The following PATL1 variants were observed in gnomAD, a reference collection of about 807,000 sequenced individuals.
The protein encoded by PATL1 is PAT1 homolog 1, processing body mRNA decay factor.
Under a neutral mutation model 100.6 loss-of-function variants are expected in PATL1, and 32 were observed. The observed-to-expected ratio is 0.32, with a 90% CI of 0.24 to 0.43. PATL1 has a LOEUF of 0.43. PATL1 is among the 20% of genes least tolerant of loss of function. The probability of loss-of-function intolerance (pLI) is 1.00; values close to 1 mark genes in which losing one functional copy is unlikely to be tolerated. For missense variants in PATL1, 747 were observed against 949.9 expected (o/e 0.79, Z 2.81); for synonymous variants, 332 against 330.0 (o/e 1.01, Z -0.07).
intron 4 of PATL1, among the ~76,000 whole-genome samples, chr11:59,658,261 T>C (rs1307213340): frequency 6.6e-6 from 1 of 151,994 alleles, no homozygotes; most frequent in Non-Finnish European, 1.5e-5. Flanking sequence ...CCTCCTGCCA[T>C]GTCCAACCAC....
intron 6 of PATL1, among the ~76,000 whole-genome samples, chr11:59,656,272 C>G (rs533185327): frequency 1.3e-5 from 2 of 152,114 alleles, no homozygotes; most frequent in South Asian, 2.1e-4. Flanking sequence ...TGGTAGGAAC[C>G]AGATGATCAC....
At chr11:59,667,676 A>G (rs532491375) in intron 1 of PATL1, among the ~76,000 whole-genome samples, 1 of 152,368 alleles carries the variant, frequency 6.6e-6, no homozygotes, top group Non-Finnish European at 1.5e-5. Flanking sequence ...AATGTCTTAC[A>G]TTGTAATGCA....
intron 2 of PATL1, among the ~76,000 whole-genome samples, chr11:59,663,719 A>G (rs193292793): frequency 2.0e-5 from 3 of 152,264 alleles, no homozygotes; most frequent in Admixed American, 6.5e-5. Flanking sequence ...ACATTTTTTC[A>G]TGCAGAAGAC....
chr11:59,643,100 G>T (rs998661700), intron 15 of PATL1, 65 bp from the exon 16 acceptor site: 2 of 1,527,776 alleles, frequency 1.3e-6, no homozygotes, highest in Admixed American at 1.9e-5. Context: ...CCCACCAGGG[G>T]CATGGATGGA....
intron 5 of PATL1, 30 bp downstream of exon 5, chr11:59,657,500 C>T (rs997950976): frequency 1.3e-6 from 2 of 1,528,236 alleles, no homozygotes; most frequent in Admixed American, 1.8e-5. Flanking sequence ...TCCCAATATC[C>T]TGGGCTGTGT....
At chr11:59,649,719 A>C in intron 13 of PATL1, 109 bp from the exon 14 acceptor site, 1 of 1,188,120 alleles carries the variant, frequency 8.4e-7, no homozygotes, top group African/African-American at 1.7e-5. Flanking sequence ...TCATTATAGA[A>C]AGACTGAGAT....
Position 59,636,802 on chromosome 11 carries a change from C to G in PATL1, c.*1588G>C, listed in dbSNP as rs1861198401. On this transcript the variant is annotated 3_prime_UTR_variant, in exon 19 of 19. Coordinates refer to ENST00000300146, the MANE Select transcript of PATL1 (RefSeq NM_152716.3). ...TTTATTTTCATTAATTAGAACCAAT[C>G]CAAACAAAAAAGATAAAGCACAGTA... The G allele has an allele frequency of 6.6e-6, 1 of 152,278 alleles. No individual in the cohort carries two copies. Among genetic ancestry groups the G allele is most frequent in the Non-Finnish European group, 1.5e-5 (1 of 67,978 alleles). 9.4% of individuals were successfully genotyped at this position (152,278 alleles called of 1,614,324 possible). A position where few individuals can be genotyped will look rare whatever the true frequency, so the allele number is the denominator to read the frequency against.
Position 59,652,466 on chromosome 11 carries a change from G to A in PATL1, c.1424C>T (p.Pro475Leu), listed in dbSNP as rs1385876198. The A allele has an allele frequency of 6.2e-7, 1 of 1,611,228 alleles. No homozygotes were observed. Among genetic ancestry groups the A allele is most frequent in the South Asian group, 1.1e-5 (1 of 90,466 alleles). Residue 475 changes from proline (P) to leucine (L), a missense_variant and splice_region_variant, in exon 11 of 19, where the codon CCA becomes CTA. This residue lies in a region of PATL1 where 434 missense variants were observed against 596.1 expected (regional missense o/e 0.73). Transcript: ENST00000300146. ...CATTTTTCTTATGAGGACCTTACCT[G>A]GCTTATAGGCGTGCTCCAGTTTGGC... ...QVAKLEHAYK[P>L]VQFEGSLGKL...
At chr11:59,644,592 G>C (rs1346957795) in intron 15 of PATL1, among the ~76,000 whole-genome samples, 3 of 152,072 alleles carry the variant, frequency 2.0e-5, no homozygotes, top group African/African-American at 7.2e-5. Context: ...TCTATAGTTT[G>C]AATTTGGCAA....
chr11:59,668,921 G>T lies in PATL1; in HGVS notation c.-26C>A. On this transcript the variant is annotated 5_prime_UTR_variant, in exon 1 of 19. Transcript: ENST00000300146. Reference sequence around the variant, plus strand: ...TCTTGGGGAGGGGGGCAGGGAGCGGGGAGGGGAGAGGGGGAGGGAGGGAAG... The same window carrying T: ...TCTTGGGGAGGGGGGCAGGGAGCGGTGAGGGGAGAGGGGGAGGGAGGGAAG... 1.9e-6 allele frequency: 1 copy of T among 532,258 alleles called. No individual in the cohort carries two copies. The highest frequency in any genetic ancestry group is 3.1e-6 in the Non-Finnish European group (1 of 320,784). The allele number at this position is 532,258 out of a possible 1,614,324, so 33.0% of individuals were successfully genotyped here.
At chr11:59,643,345 A>G (rs1484506732) in intron 15 of PATL1, among the ~76,000 whole-genome samples, 3 of 152,114 alleles carry the variant, frequency 2.0e-5, no homozygotes, top group Non-Finnish European at 4.4e-5. Context: ...AAATGCTTAC[A>G]CTACACCATG....
intron 15 of PATL1, among the ~76,000 whole-genome samples, chr11:59,643,291 GT>G (rs1861313482): frequency 2.0e-5 from 3 of 152,042 alleles, no homozygotes; most frequent in Admixed American, 2.0e-4. Context: ...CATACCAAGA[GT>G]TATGCTAAAA....
chr11:59,665,254 G>A (rs1488682283), intron 2 of PATL1, among the ~76,000 whole-genome samples: 2 of 152,154 alleles, frequency 1.3e-5, no homozygotes, highest in Non-Finnish European at 2.9e-5. Context: ...CAAAACCAGT[G>A]ACCATTATAA....
intron 1 of PATL1, among the ~76,000 whole-genome samples, chr11:59,668,248 G>C (rs1050199631): frequency 6.6e-6 from 1 of 152,212 alleles, no homozygotes; most frequent in Non-Finnish European, 1.5e-5. Flanking sequence ...TGGTGACAGG[G>C]TCAGTACTGT....
chr11:59,656,410 G>T, intron 6 of PATL1, 89 bp downstream of exon 6: 1 of 1,100,186 alleles, frequency 9.1e-7, no homozygotes, highest in Non-Finnish European at 1.3e-6. Context: ...TTTAGGAGAT[G>T]TCAGCAAATC....
chr11:59,668,345 C>T (rs1056314662), intron 1 of PATL1, among the ~76,000 whole-genome samples: 3 of 152,188 alleles, frequency 2.0e-5, no homozygotes, highest in Non-Finnish European at 4.4e-5. Flanking sequence ...GGACACGCCC[C>T]CCTCCCAACT....
intron 2 of PATL1, among the ~76,000 whole-genome samples, chr11:59,662,226 C>T (rs1396126182): frequency 6.6e-6 from 1 of 152,162 alleles, no homozygotes; most frequent in Non-Finnish European, 1.5e-5. Flanking sequence ...AGTTGTGGAT[C>T]ACTGTGCCAT....
intron 11 of PATL1, 69 bp downstream of exon 11, chr11:59,652,395 T>A (rs1861460079): frequency 6.5e-7 from 1 of 1,532,976 alleles, no homozygotes; most frequent in African/African-American, 1.4e-5. Context: ...TACACTTGTC[T>A]ATATTTAATC....
Position 59,638,025 on chromosome 11 carries a change from G to T in PATL1, c.*365C>A, listed in dbSNP as rs570792500. The T allele has an allele frequency of 3.8e-6, 1 of 264,956 alleles. No homozygotes were observed. The highest frequency in any genetic ancestry group is 2.1e-5 in the African/African-American group (1 of 46,524). The allele number at this position is 264,956 out of a possible 1,614,324, so 16.4% of individuals were successfully genotyped here. On this transcript the variant is annotated 3_prime_UTR_variant, in exon 19 of 19. Coordinates refer to ENST00000300146, the MANE Select transcript of PATL1 (RefSeq NM_152716.3). The stretch of plus-strand genomic sequence containing the variant: ...GAAAAAACAACTTCAATAGGATGAG[G>T]GAAGGAATCCTTTGGCAGGCTACAA...
Sources: gnomAD v4.1 joint callset for allele counts (sites outside exome capture counted in the v4.1 genomes callset) on GRCh38, gnomAD v4.1.1 for gene constraint, gnomAD v4.1.1 regional missense constraint, MANE v1.5 for transcripts, NCBI Gene and HGNC (gene_info 2026-07-23, HGNC 2026-07-21) for gene names.